Variants in LETM2 observed in about 807,000 individuals in gnomAD.
The protein encoded by LETM2 is LETM1 domain-containing protein LETM2, mitochondrial.
In LETM2, 58 loss-of-function variants were observed where a neutral mutation model predicts 59.6. The ratio of observed to expected loss-of-function variants is 0.97; its 90% CI spans 0.79 to 1.21. LETM2 has a LOEUF of 1.21. LETM2 is among the 50% of genes most tolerant of loss of function. The probability of loss-of-function intolerance (pLI) is 0.00; values close to 1 mark genes in which losing one functional copy is unlikely to be tolerated. For synonymous variants in LETM2, 199 were observed against 214.1 expected (o/e 0.93, Z 0.62); for missense variants, 572 against 575.7 (o/e 0.99, Z 0.07).
intron 4 of LETM2, among the ~76,000 whole-genome samples, chr8:38,397,690 T>C (rs1812800898): frequency 6.6e-6 from 1 of 152,116 alleles, no homozygotes; most frequent in Non-Finnish European, 1.5e-5. Flanking sequence ...TGAAGCAGGG[T>C]AGCTGGGTGG....
Position 38,404,418 on chromosome 8 carries a change from A to G in LETM2, c.1130A>G (p.Asn377Ser), listed in dbSNP as rs1175086142. 1 of 1,613,478 alleles carries G rather than the reference A, an allele frequency of 6.2e-7. No homozygotes were observed. The highest frequency in any genetic ancestry group is 1.1e-5 in the South Asian group (1 of 91,068). ...TEWQDLHLKE[N>S]VPPSLLLLSR... ...TGGCAGGACCTCCACCTGAAGGAGAACGTCCCTCCTTCCCTTTTGCTCCTG... is the reference window on the plus strand; with the variant it reads ...TGGCAGGACCTCCACCTGAAGGAGAGCGTCCCTCCTTCCCTTTTGCTCCTG... Residue 377 changes from asparagine to serine, a missense_variant, in exon 8 of 11, where the codon AAC (asparagine) becomes AGC (serine). Asn to Ser is a conservative substitution (Grantham distance 46, BLOSUM62 1). Coordinates refer to ENST00000379957, the MANE Select transcript of LETM2 (RefSeq NM_001286819.2).
chr8:38,408,560 T>C lies in LETM2; in HGVS notation c.*286T>C. On this transcript the variant is annotated 3_prime_UTR_variant, in exon 11 of 11. Coordinates refer to ENST00000379957, the MANE Select transcript of LETM2 (RefSeq NM_001286819.2). ...CCCCCCATCATGTTGTTTTTTTAGT[T>C]TCATGTGTACGTCCCTTCAGAGAGG... 3.3e-6 allele frequency: 1 copy of C among 302,530 alleles called. No homozygotes were observed. Among genetic ancestry groups the C allele is most frequent in the Non-Finnish European group, 6.3e-6 (1 of 159,004 alleles). 18.7% of individuals were successfully genotyped at this position (302,530 alleles called of 1,614,324 possible).
chr8:38,385,510 C>T (rs1448705133), upstream of LETM2, among the ~76,000 whole-genome samples: 1 of 152,230 alleles, frequency 6.6e-6, no homozygotes, highest in East Asian at 1.9e-4. Flanking sequence ...TCTCCTGCCT[C>T]AGCCTCCAGA....
intron 1 of LETM2, 31 bp from the exon 2 acceptor site, chr8:38,387,918 TA>T (rs1563380462): frequency 1.2e-6 from 1 of 841,094 alleles, no homozygotes; most frequent in East Asian, 2.6e-5. Flanking sequence ...ATTTTTAAAC[TA>T]CTAAATTGTT....
rs1813997025 is a variant in LETM2, at chr8:38,409,307, T to C, written c.*1033T>C. 6.6e-6 allele frequency: 1 copy of C among 152,236 alleles called. No homozygotes were observed. The highest frequency in any genetic ancestry group is 2.1e-4 in the South Asian group (1 of 4,834). 9.4% of individuals were successfully genotyped at this position (152,236 alleles called of 1,614,324 possible). On this transcript the variant is annotated 3_prime_UTR_variant, in exon 11 of 11. Coordinates refer to ENST00000379957, the MANE Select transcript of LETM2 (RefSeq NM_001286819.2). ...AGTTAAAACAAGTAAAACTCCACTG[T>C]CCTGTCTGGGATCACCTAAATGAGG...
intron 2 of LETM2, among the ~76,000 whole-genome samples, chr8:38,389,809 G>C (rs1812068328): frequency 6.6e-6 from 1 of 151,698 alleles, no homozygotes; most frequent in South Asian, 2.1e-4. Flanking sequence ...GACCATCCTG[G>C]CCAATGTGGT....
At chr8:38,403,123 G>A (rs1813381026) in intron 7 of LETM2, among the ~76,000 whole-genome samples, 1 of 152,150 alleles carries the variant, frequency 6.6e-6, no homozygotes, top group Non-Finnish European at 1.5e-5. Context: ...TCATATGCCA[G>A]AGCTTCCTCA....
upstream of LETM2, chr8:38,382,626 C>T (rs1213443093): frequency 6.6e-6 from 1 of 152,382 alleles, no homozygotes; most frequent in Admixed American, 6.5e-5. The surrounding 1 kb of genome is among the most constrained non-coding windows in gnomAD (Gnocchi z 4.2). Flanking sequence ...TAAAGAACAA[C>T]GCGCAACCAG....
Position 38,404,515 on chromosome 8 carries a change from C to CCACTCAG in LETM2, c.1218+9_1218+10insCACTCAG. The CCACTCAG allele has an allele frequency of 6.3e-7, 1 of 1,579,316 alleles. No individual in the cohort carries two copies. The highest frequency in any genetic ancestry group is 1.7e-4 in the Middle Eastern group (1 of 6,014). On this transcript the variant is annotated intron_variant, in intron 8 of 10. Transcript: ENST00000379957. ...TACCACTCAGTGGGGAGGTGAGTAC[C>CCACTCAG]TGGGTTAATGGGGACCCTCGACGTC...
In LETM2 at chr8:38,404,456, T is replaced by C. The variant is rs780014217; in HGVS notation, c.1168T>C (p.Tyr390His). Residue 390 changes from tyrosine to histidine, a missense_variant, in exon 8 of 11, where the codon TAC becomes CAC. Transcript: ENST00000379957. ...PSLLLLSRTF[Y>H]LIDVKPKPIE... The stretch of plus-strand genomic sequence containing the variant: ...CCTTTTGCTCCTGTCCCGCACCTTC[T>C]ACCTGATAGATGTGAAGCCCAAGCC... 1.2e-6 allele frequency: 2 copies of C among 1,614,120 alleles called. No individual in the cohort carries two copies. The highest frequency in any genetic ancestry group is 1.7e-6 in the Non-Finnish European group (2 of 1,179,994).
intron 8 of LETM2, among the ~76,000 whole-genome samples, chr8:38,405,302 C>T (rs1003594527): frequency 1.3e-5 from 2 of 152,038 alleles, no homozygotes; most frequent in African/African-American, 4.8e-5. Flanking sequence ...TAAGATTGGC[C>T]CAGTCACTAC....
At position 38,408,837 on chromosome 8, in the gene LETM2, T is replaced by C. The variant is rs966053687; in HGVS notation, c.*563T>C. On this transcript the variant is annotated 3_prime_UTR_variant, in exon 11 of 11. Transcript: ENST00000379957. ...GAAACAGACTGGCAATCAGAAAGATTTGGCTGCTTCCGACACCTCCATCTT... is the reference window on the plus strand; with the variant it reads ...GAAACAGACTGGCAATCAGAAAGATCTGGCTGCTTCCGACACCTCCATCTT... 3 of 152,446 alleles carry C rather than the reference T, an allele frequency of 2.0e-5. No individual in the cohort carries two copies. Among genetic ancestry groups the C allele is most frequent in the African/African-American group, 7.2e-5 (3 of 41,460 alleles). The allele number at this position is 152,446 out of a possible 1,614,324, so 9.4% of individuals were successfully genotyped here.
chr8:38,385,681 C>T (rs1345740368), upstream of LETM2, among the ~76,000 whole-genome samples: 1 of 152,188 alleles, frequency 6.6e-6, no homozygotes, highest in Non-Finnish European at 1.5e-5. Context: ...CAGGCGTGAG[C>T]CACCGCGCCC....
At chr8:38,387,891 T>A in intron 1 of LETM2, 59 bp from the exon 2 acceptor site, 1 of 710,856 alleles carries the variant, frequency 1.4e-6, no homozygotes, top group Non-Finnish European at 2.4e-6. Context: ...AAAATCCTGA[T>A]GTCTTTTAAT....
intron 8 of LETM2, 63 bp downstream of exon 8, chr8:38,404,569 T>G (rs769551544): frequency 3.0e-6 from 3 of 990,994 alleles, no homozygotes; most frequent in Non-Finnish European, 3.3e-6. Context: ...CCACAAACAC[T>G]TGGTGTACTC....
intron 2 of LETM2, among the ~76,000 whole-genome samples, chr8:38,390,627 A>G (rs1585971322): frequency 1.3e-5 from 2 of 149,102 alleles, no homozygotes. Context: ...GTCTCAGAAA[A>G]AAAAAAAAAA....
intron 8 of LETM2, 168 bp downstream of exon 8, chr8:38,404,674 CCA>C (rs1185564079): frequency 9.1e-5 from 53 of 585,056 alleles, no homozygotes; most frequent in Middle Eastern, 3.3e-4. Context: ...AACCAACCAA[CCA>C]CAAACAAACA....
At chr8:38,391,751 G>A (rs1812300881) in intron 2 of LETM2, among the ~76,000 whole-genome samples, 2 of 151,600 alleles carry the variant, frequency 1.3e-5, no homozygotes, top group African/African-American at 4.8e-5. Context: ...GAGTGCAGTG[G>A]CATAGTCTTG....
intron 4 of LETM2, among the ~76,000 whole-genome samples, chr8:38,398,449 G>A (rs1363242191): frequency 6.6e-6 from 1 of 152,108 alleles, no homozygotes; most frequent in African/African-American, 2.4e-5. Flanking sequence ...ATGGAGAGAG[G>A]AGCTTTCTGT....
Sources: allele counts gnomAD v4.1 joint callset (sites outside exome capture counted in the v4.1 genomes callset), GRCh38; gene constraint gnomAD v4.1.1; non-coding constraint Gnocchi (gnomAD v3.1); transcripts MANE v1.5; gene names NCBI Gene and HGNC (gene_info 2026-07-23, HGNC 2026-07-21).